NRTN: variants seen among roughly 807,000 people sequenced by gnomAD.
The protein encoded by NRTN is neurturin, also known as prepro-neurturin.
A neutral mutation model predicts 7.5 loss-of-function variants in NRTN; 3 were observed. That is an observed-to-expected ratio of 0.40 (90% CI 0.18 to 1.03). NRTN has a LOEUF of 1.03. Ranked by LOEUF, NRTN falls within the 50% of genes least tolerant of loss-of-function variation. The pLI is 0.34. For synonymous variants in NRTN, 157 were observed against 146.6 expected (o/e 1.07, Z -0.51); for missense variants, 310 against 307.0 (o/e 1.01, Z -0.07).
At chr19:5,821,637 A>AC in intron 1 of NRTN, among the ~76,000 whole-genome samples, 1 of 151,542 alleles carries the variant, frequency 6.6e-6, no homozygotes, top group South Asian at 2.1e-4. Context: ...TCATTCATTC[A>AC]TTCATCATTC....
intron 2 of NRTN, 49 bp downstream of exon 2, chr19:5,824,383 G>C: frequency 6.4e-7 from 1 of 1,555,662 alleles, no homozygotes; most frequent in African/African-American, 1.4e-5. Context: ...GTAAGGGGTA[G>C]AATTTCAGGC....
At chr19:5,820,710 T>C (rs1192305193) in intron 1 of NRTN, among the ~76,000 whole-genome samples, 1 of 111,854 alleles carries the variant, frequency 8.9e-6, no homozygotes, top group Admixed American at 1.4e-4. Flanking sequence ...CACTCCAGCC[T>C]GGGCAACAGA....
chr19:5,809,807 C>T (rs373283418), intron 1 of NRTN, among the ~76,000 whole-genome samples: 1 of 152,140 alleles, frequency 6.6e-6, no homozygotes, highest in Non-Finnish European at 1.5e-5. Flanking sequence ...CCACTGTTCT[C>T]TCAAACAGCA....
At position 5,827,915 on chromosome 19, in the gene NRTN, G is replaced by T; in HGVS notation, c.336G>T (p.Val112=). The T allele has an allele frequency of 6.9e-7, 1 of 1,454,074 alleles. No individual in the cohort carries two copies. Among genetic ancestry groups the T allele is most frequent in the South Asian group, 1.4e-5 (1 of 72,388 alleles). 90.1% of individuals were successfully genotyped at this position (1,454,074 alleles called of 1,614,324 possible). The change falls in exon 3 of 3, where the codon GTG becomes GTT. Residue 112 remains valine (V), a synonymous_variant. Coordinates refer to ENST00000303212, the MANE Select transcript of NRTN (RefSeq NM_004558.5). ...PCGLRELEVR[V]SELGLGYASD... ...GGCTGCGCGAGCTGGAGGTGCGCGT[G>T]AGCGAGCTGGGCCTGGGCTACGCGT...
At chr19:5,827,195 C>T (rs984409951) in intron 2 of NRTN, among the ~76,000 whole-genome samples, 13 of 152,276 alleles carry the variant, frequency 8.5e-5, no homozygotes, top group African/African-American at 3.1e-4. Context: ...GAGCAGACGT[C>T]GGGGCCTGAA....
At chr19:5,815,299 GT>G (rs1474631605) in intron 1 of NRTN, among the ~76,000 whole-genome samples, 2 of 152,126 alleles carry the variant, frequency 1.3e-5, no homozygotes, top group Admixed American at 6.6e-5. Context: ...TCATGCTTGA[GT>G]GTGAGTGTGA....
intron 1 of NRTN, among the ~76,000 whole-genome samples, chr19:5,815,794 G>C (rs186886416): frequency 6.7e-6 from 1 of 149,288 alleles, no homozygotes; most frequent in Admixed American, 6.7e-5. Flanking sequence ...GCCCAGGCTG[G>C]AGTGCAATGG....
rs572972236 is a variant in NRTN, at chr19:5,827,824, G to C, written c.245G>C (p.Gly82Ala). ...ELTPWAGRPP[G>A]PRRRAGPRRR... is the part of the protein sequence containing the mutation. The stretch of plus-strand genomic sequence containing the variant: ...ACGCCCTGGGCTGGGCGGCCCCCAG[G>C]TCCGCGCCGTCGGGCGGGGCCCCGG... Residue 82 changes from glycine (G) to alanine (A), a missense_variant, in exon 3 of 3, where the codon GGT becomes GCT. Transcript: ENST00000303212. 3.4e-6 allele frequency: 4 copies of C among 1,165,918 alleles called. No individual in the cohort carries two copies. The East Asian group carries it at 1.2e-4, about 36-fold the overall frequency. 72.2% of individuals were successfully genotyped at this position (1,165,918 alleles called of 1,614,324 possible).
intron 1 of NRTN, among the ~76,000 whole-genome samples, chr19:5,818,787 G>A (rs752396648): frequency 5.9e-5 from 9 of 151,584 alleles, no homozygotes; most frequent in Non-Finnish European, 8.8e-5. Context: ...GGTCGCGTCC[G>A]TGCCAGAGAC....
chr19:5,823,015 C>A (rs1312594582), intron 1 of NRTN, among the ~76,000 whole-genome samples: 1 of 139,522 alleles, frequency 7.2e-6, no homozygotes, highest in Non-Finnish European at 1.6e-5. Context: ...CAGAGCAAGA[C>A]CCTGTCTCAA....
At chr19:5,810,321 C>A (rs113480602) in intron 1 of NRTN, among the ~76,000 whole-genome samples, 1,882 of 151,202 alleles carry the variant, frequency 0.012, 41 homozygotes, top group African/African-American at 0.043. Context: ...CTATGTTGGC[C>A]AGGCTGGTGT....
intron 1 of NRTN, among the ~76,000 whole-genome samples, chr19:5,820,790 C>T (rs1164372513): frequency 1.5e-5 from 2 of 134,184 alleles, no homozygotes; most frequent in African/African-American, 2.7e-5. Context: ...ATGGGTTTGA[C>T]ATCTGACAAA....
chr19:5,812,551 A>T (rs1345659128), intron 1 of NRTN, among the ~76,000 whole-genome samples: 1 of 152,196 alleles, frequency 6.6e-6, no homozygotes, highest in Non-Finnish European at 1.5e-5. Context: ...TGCTTGCCAG[A>T]TGTTCCTGGT....
At chr19:5,808,980 C>T (rs1401056222) in intron 1 of NRTN, among the ~76,000 whole-genome samples, 5 of 151,852 alleles carry the variant, frequency 3.3e-5, no homozygotes, top group Non-Finnish European at 5.9e-5. Flanking sequence ...TGGTCTTGAT[C>T]TCCTGACCTC....
At position 5,827,923 on chromosome 19, in the gene NRTN, T is replaced by G; in HGVS notation, c.344T>G (p.Leu115Arg). 6.8e-7 allele frequency: 1 copy of G among 1,468,792 alleles called. No individual in the cohort carries two copies. 91.0% of individuals were successfully genotyped at this position (1,468,792 alleles called of 1,614,324 possible). ...GAGCTGGAGGTGCGCGTGAGCGAGCTGGGCCTGGGCTACGCGTCCGACGAG... is the reference window on the plus strand; with the variant it reads ...GAGCTGGAGGTGCGCGTGAGCGAGCGGGGCCTGGGCTACGCGTCCGACGAG... ...LRELEVRVSE[L>R]GLGYASDETV... is the part of the protein sequence containing the mutation. Residue 115 changes from leucine (L) to arginine (R), a missense_variant, in exon 3 of 3, where the codon CTG becomes CGG. By Grantham distance (102) the Leu-to-Arg change is moderately radical. Coordinates refer to ENST00000303212, the MANE Select transcript of NRTN (RefSeq NM_004558.5).
chr19:5,817,610 G>A (rs1599636575), intron 1 of NRTN, among the ~76,000 whole-genome samples: 1 of 119,206 alleles, frequency 8.4e-6, no homozygotes, highest in East Asian at 2.3e-4. Flanking sequence ...GGGAGGGAGA[G>A]AGAGAGAAAG....
Position 5,812,015 on chromosome 19 carries a change from G to A in NRTN, c.-399+6564G>A, listed in dbSNP as rs184763051. 3.3e-5 allele frequency among the ~76,000 whole-genome samples: 5 copies of A among 151,612 alleles called. No individual in the cohort carries two copies. In the East Asian group the frequency reaches 5.8e-4, roughly 18 times the overall value. On this transcript the variant is annotated intron_variant, in intron 1 of 2. Coordinates refer to ENST00000303212, the MANE Select transcript of NRTN (RefSeq NM_004558.5). ...CTCCCAAGTAGCTGGGACTACAGGC[G>A]CCCAATACCACGCCCAGCCAATTTT...
At chr19:5,819,095 C>T (rs146818289) in intron 1 of NRTN, among the ~76,000 whole-genome samples, 7,490 of 152,276 alleles carry the variant, frequency 0.049, 274 homozygotes, top group Admixed American at 0.12. Context: ...TGGAGGGGGT[C>T]CAGAGAGGTC....
In NRTN at chr19:5,824,237, A is replaced by G; in HGVS notation, c.72A>G (p.Arg24=). Residue 24 remains arginine, a synonymous_variant, in exon 2 of 3, where the codon CGA becomes CGG. Coordinates refer to ENST00000303212, the MANE Select transcript of NRTN (RefSeq NM_004558.5). ...CCGTGCTGTCCATCTGGATGTGTCG[A>G]GAGGGCCTGCTTCTCAGCCACCGCC... is the stretch of plus-strand genomic sequence containing the variant. ...CSSVLSIWMC[R]EGLLLSHRLG... The G allele has an allele frequency of 1.2e-6, 2 of 1,612,390 alleles. No homozygotes were observed. Among genetic ancestry groups the G allele is most frequent in the Non-Finnish European group, 1.7e-6 (2 of 1,179,900 alleles).
Sources: gnomAD v4.1 joint callset for allele counts (sites outside exome capture counted in the v4.1 genomes callset) on GRCh38, gnomAD v4.1.1 for gene constraint, MANE v1.5 for transcripts, NCBI Gene and HGNC (gene_info 2026-07-23, HGNC 2026-07-21) for gene names.